The following TMEM132D variants were observed in gnomAD, a reference collection of about 807,000 sequenced individuals.
The protein encoded by TMEM132D is mature OL transmembrane protein.
Under a neutral mutation model 62.3 loss-of-function variants are expected in TMEM132D, and 21 were observed. The ratio of observed to expected loss-of-function variants is 0.34; its 90% confidence interval spans 0.24 to 0.49. The LOEUF is 0.49. Ranked by LOEUF, TMEM132D falls within the 20% of genes least tolerant of loss-of-function variation. The pLI is 0.99. For synonymous variants in TMEM132D, 621 were observed against 575.6 expected, an observed-to-expected ratio of 1.08 and a Z score of -1.13; for missense variants, 1,346 against 1,402.8, an observed-to-expected ratio of 0.96 and a Z score of 0.65.
intron 2 of TMEM132D, among the ~76,000 whole-genome samples, chr12:129,552,270 T>C (rs1358934017): frequency 7.9e-6 from 1 of 126,666 alleles, no homozygotes; most frequent in Non-Finnish European, 1.7e-5. Flanking sequence ...AAATCTAACA[T>C]ATTGTCTACC....
In TMEM132D at chr12:129,755,124, G is replaced by T. The variant is rs529378319; in HGVS notation, c.80-54426C>A. Among the ~76,000 whole-genome samples, 113 of 152,314 alleles carry T rather than the reference G, an allele frequency of 7.4e-4. 1 individual carries two copies. The highest frequency in any genetic ancestry group is 2.5e-3 in the African/African-American group (105 of 41,570). ...GACTTTGCTATTTGCCACTGGATTG[G>T]AGTTCACACACAGTGAAGCCACATG... On this transcript the variant is annotated intron_variant, in intron 1 of 8. Transcript: ENST00000422113.
intron 3 of TMEM132D, among the ~76,000 whole-genome samples, chr12:129,476,101 G>A (rs1480537079): frequency 3.9e-5 from 6 of 152,134 alleles, no homozygotes; most frequent in Non-Finnish European, 7.3e-5. Flanking sequence ...CACTGTGGGG[G>A]GTTTAGTATC....
chr12:129,086,654 C>T (rs1196804408), intron 5 of TMEM132D, among the ~76,000 whole-genome samples: 1 of 147,888 alleles, frequency 6.8e-6, no homozygotes, highest in East Asian at 2.0e-4. Flanking sequence ...TATATACATA[C>T]TATATACAAC....
chr12:129,384,910 C>T (rs1356502809), intron 3 of TMEM132D, among the ~76,000 whole-genome samples: 3 of 151,978 alleles, frequency 2.0e-5, no homozygotes, highest in African/African-American at 7.2e-5. Flanking sequence ...AAGGAAGCAC[C>T]TTTCCCATTT....
At chr12:129,848,371 T>C (rs1249740693) in intron 1 of TMEM132D, among the ~76,000 whole-genome samples, 1 of 152,216 alleles carries the variant, frequency 6.6e-6, no homozygotes, top group Non-Finnish European at 1.5e-5. Flanking sequence ...TGACAATTTT[T>C]CTTCTTCGAT....
At chr12:129,571,595 AAG>A (rs1373464380) in intron 2 of TMEM132D, among the ~76,000 whole-genome samples, 1 of 152,002 alleles carries the variant, frequency 6.6e-6, no homozygotes, top group Non-Finnish European at 1.5e-5. Context: ...AATAATAAAA[AAG>A]AAATTTAAAA....
intron 3 of TMEM132D, among the ~76,000 whole-genome samples, chr12:129,367,896 C>T (rs568467153): frequency 1.3e-5 from 2 of 151,540 alleles, no homozygotes; most frequent in Admixed American, 1.3e-4. Flanking sequence ...AGTAATTCTC[C>T]TGCCTCAGCC....
intron 1 of TMEM132D, 83 bp from the exon 2 acceptor site, chr12:129,700,781 A>G (rs1565954545): frequency 6.9e-7 from 1 of 1,458,430 alleles, no homozygotes; most frequent in South Asian, 1.4e-5. Flanking sequence ...TGCCCCCTTC[A>G]TAACAGAGGA....
chr12:129,569,262 G>T (rs539479944), intron 2 of TMEM132D, among the ~76,000 whole-genome samples: 7 of 152,162 alleles, frequency 4.6e-5, no homozygotes, highest in Non-Finnish European at 1.0e-4. Flanking sequence ...CAATGTCTCT[G>T]CACTACAAGT....
chr12:129,323,081 A>G (rs1408286550), intron 4 of TMEM132D, among the ~76,000 whole-genome samples: 1 of 152,194 alleles, frequency 6.6e-6, no homozygotes, highest in African/African-American at 2.4e-5. Flanking sequence ...TAGGAAAAAT[A>G]AGTTCTGTAA....
intron 5 of TMEM132D, among the ~76,000 whole-genome samples, chr12:129,100,194 C>T (rs1447496569): frequency 6.6e-6 from 1 of 152,176 alleles, no homozygotes. Flanking sequence ...GCACCTACCA[C>T]CACCCCTGGC....
chr12:129,192,474 T>C (rs943284356), intron 5 of TMEM132D, among the ~76,000 whole-genome samples: 1 of 151,870 alleles, frequency 6.6e-6, no homozygotes, highest in Non-Finnish European at 1.5e-5. Flanking sequence ...GAAGCTTCTG[T>C]AACTGACTCT....
intron 4 of TMEM132D, among the ~76,000 whole-genome samples, chr12:129,215,255 G>A (rs964877358): frequency 1.3e-5 from 2 of 152,038 alleles, no homozygotes; most frequent in Non-Finnish European, 2.9e-5. Context: ...ACATGTTCTC[G>A]CTTATAAGTG....
intron 1 of TMEM132D, among the ~76,000 whole-genome samples, chr12:129,793,073 C>CTTT (rs34199090): frequency 2.8e-5 from 4 of 141,028 alleles, no homozygotes; most frequent in Non-Finnish European, 3.1e-5. Context: ...GCTTTTTATT[C>CTTT]TTTTTTTTTT....
chr12:129,618,990 C>T (rs1878992197), intron 2 of TMEM132D, among the ~76,000 whole-genome samples: 1 of 152,158 alleles, frequency 6.6e-6, no homozygotes, highest in African/African-American at 2.4e-5. Flanking sequence ...GAGTTGTTAT[C>T]AGCAGAAAGG....
At chr12:129,514,034 T>G (rs914829386) in intron 3 of TMEM132D, among the ~76,000 whole-genome samples, 6 of 149,970 alleles carry the variant, frequency 4.0e-5, no homozygotes, top group Non-Finnish European at 8.9e-5. Context: ...GGAGACGGGG[T>G]TTCACTGTGT....
At chr12:129,375,482 C>A (rs1288750830) in intron 3 of TMEM132D, among the ~76,000 whole-genome samples, 1 of 152,122 alleles carries the variant, frequency 6.6e-6, no homozygotes, top group Admixed American at 6.5e-5. Flanking sequence ...ATGCATTGGG[C>A]GTGCCTTGGT....
intron 5 of TMEM132D, among the ~76,000 whole-genome samples, chr12:129,148,514 G>A (rs955441853): frequency 1.3e-5 from 2 of 152,188 alleles, no homozygotes; most frequent in East Asian, 1.9e-4. Context: ...AAGAGCCTCT[G>A]GAAGCTGGGA....
chr12:129,680,292 G>A (rs1205074820), intron 2 of TMEM132D, among the ~76,000 whole-genome samples: 2 of 152,144 alleles, frequency 1.3e-5, no homozygotes, highest in African/African-American at 4.8e-5. Context: ...ATCCTTGGAT[G>A]ATCTCTTTTT....
Sources: gnomAD v4.1 joint callset for allele counts (sites outside exome capture counted in the v4.1 genomes callset) on GRCh38, gnomAD v4.1.1 for gene constraint, MANE v1.5 for transcripts, NCBI Gene and HGNC (gene_info 2026-07-23, HGNC 2026-07-21) for gene names.